The following HIPK1 variants were observed in gnomAD, a reference collection of about 807,000 sequenced individuals.
The protein encoded by HIPK1 is homeodomain-interacting protein kinase 1.
HIPK1 carries 28 observed loss-of-function variants against 117.1 expected under a neutral mutation model. That is an observed-to-expected ratio of 0.24 (90% CI 0.18 to 0.33). The LOEUF is 0.33. Ranked by LOEUF, HIPK1 falls within the 10% of genes least tolerant of loss-of-function variation. HIPK1 has a pLI of 1.00. For missense variants in HIPK1, 1,122 were observed against 1,475.1 expected, an observed-to-expected ratio of 0.76 and a Z score of 3.92; for synonymous variants, 605 against 562.5, an observed-to-expected ratio of 1.08 and a Z score of -1.07.
intron 8 of HIPK1, among the ~76,000 whole-genome samples, chr1:113,960,382 T>A (rs1002204553): frequency 6.6e-6 from 1 of 152,238 alleles, no homozygotes; most frequent in African/African-American, 2.4e-5. Context: ...AATAGCAATC[T>A]AATACATTAG....
rs1024565279 is a variant in HIPK1, at chr1:113,974,871, T to C, written c.*1359T>C. The C allele has an allele frequency of 6.5e-6, 1 of 152,800 alleles. No individual in the cohort carries two copies. Among genetic ancestry groups the C allele is most frequent in the African/African-American group, 2.4e-5 (1 of 41,466 alleles). The allele number at this position is 152,800 out of a possible 1,614,324, so 9.5% of individuals were successfully genotyped here. The stretch of plus-strand genomic sequence containing the variant: ...GTGTAGTGATTACACTTGAATTGTG[T>C]ACTTAGTGTGTATGTGATCCTCCAG... On this transcript the variant is annotated 3_prime_UTR_variant, in exon 16 of 16. Transcript: ENST00000426820.
At chr1:113,972,315 T>C (rs1056097379) in intron 15 of HIPK1, among the ~76,000 whole-genome samples, 6 of 152,210 alleles carry the variant, frequency 3.9e-5, no homozygotes, top group African/African-American at 1.4e-4. Context: ...GATCCTTACA[T>C]TGTTTACTTG....
intron 11 of HIPK1, among the ~76,000 whole-genome samples, chr1:113,967,443 T>C (rs949869044): frequency 6.6e-6 from 1 of 152,236 alleles, no homozygotes. Flanking sequence ...TAATATCTCA[T>C]TGCAGTTTTG....
At chr1:113,961,911 C>T (rs1672139921) in intron 8 of HIPK1, among the ~76,000 whole-genome samples, 1 of 139,688 alleles carries the variant, frequency 7.2e-6, no homozygotes, top group Admixed American at 7.6e-5. Context: ...TCACTGCACT[C>T]CAGCCTGGGT....
intron 4 of HIPK1, among the ~76,000 whole-genome samples, 178 bp downstream of exon 4, chr1:113,954,948 T>C (rs1449549436): frequency 1.3e-5 from 2 of 152,214 alleles, no homozygotes; most frequent in Non-Finnish European, 2.9e-5. Context: ...AAACAAAACA[T>C]TAATTGCTAG....
chr1:113,951,935 T>C (rs1406812224), intron 2 of HIPK1, among the ~76,000 whole-genome samples: 4 of 148,420 alleles, frequency 2.7e-5, no homozygotes, highest in Non-Finnish European at 5.9e-5. Context: ...GGGTTATTTA[T>C]TGACCAGGGC....
At chr1:113,960,326 C>G (rs1157155173) in intron 8 of HIPK1, among the ~76,000 whole-genome samples, 1 of 152,128 alleles carries the variant, frequency 6.6e-6, no homozygotes, top group Non-Finnish European at 1.5e-5. Context: ...ACAGTGTTGC[C>G]TTTTGTTAAT....
At chr1:113,942,012 C>T (rs1018616413) in intron 2 of HIPK1, among the ~76,000 whole-genome samples, 3 of 151,912 alleles carry the variant, frequency 2.0e-5, no homozygotes, top group Admixed American at 6.6e-5. Context: ...CCACCCGTCT[C>T]GGCCTCCCAA....
At chr1:113,966,780 A>G (rs1328973881) in intron 11 of HIPK1, among the ~76,000 whole-genome samples, 1 of 152,018 alleles carries the variant, frequency 6.6e-6, no homozygotes, top group African/African-American at 2.4e-5. Context: ...AAAATGTACA[A>G]TTAAGTTATT....
intron 1 of HIPK1, 164 bp downstream of exon 1, chr1:113,929,696 G>C (rs1669708106): frequency 8.1e-6 from 7 of 863,888 alleles, no homozygotes; most frequent in Non-Finnish European, 1.0e-5. Context: ...GCCGAGGCGG[G>C]AGCGCGCGGG....
intron 1 of HIPK1, among the ~76,000 whole-genome samples, chr1:113,937,764 G>A (rs918456171): frequency 4.6e-4 from 70 of 152,136 alleles, no homozygotes; most frequent in East Asian, 1.9e-4. Flanking sequence ...CGTAGGGAGC[G>A]TTTCTGCATG....
rs183961497 is a variant in HIPK1, at chr1:113,976,475, G to A, written c.*2963G>A. The A allele has an allele frequency of 3.7e-4, 57 of 152,814 alleles. No individual in the cohort carries two copies. The highest frequency in any genetic ancestry group is 5.6e-4 in the East Asian group (3 of 5,324). The allele number at this position is 152,814 out of a possible 1,614,324, so 9.5% of individuals were successfully genotyped here. On this transcript the variant is annotated 3_prime_UTR_variant, in exon 16 of 16. Coordinates refer to ENST00000426820, the MANE Select transcript of HIPK1 (RefSeq NM_198268.3). ...GGAAAGAAAACCAAATCCCATTCCT[G>A]CACCCCAGTCCAATAAGCAGATACC...
rs944543501 is a variant in HIPK1 at position 113,940,827 on chromosome 1, A to G, written c.444A>G (p.Gln148=). 1 of 1,614,128 alleles carries G rather than the reference A, an allele frequency of 6.2e-7. No homozygotes were observed. The highest frequency in any genetic ancestry group is 1.6e-4 in the Middle Eastern group (1 of 6,062). ...IIEEHPPLML[Q]NRTVVGAAAT... The stretch of plus-strand genomic sequence containing the variant: ...AAGAACATCCCCCTCTCATGCTGCA[A>G]AACAGGACTGTGGTGGGTGCTGCTG... Residue 148 remains glutamine, a synonymous_variant, in exon 2 of 16, where the codon CAA becomes CAG. Transcript: ENST00000426820.
rs1163392670 is a variant in HIPK1, at chr1:113,974,616, C to T, written c.*1104C>T. On this transcript the variant is annotated 3_prime_UTR_variant, in exon 16 of 16. Transcript: ENST00000426820. The stretch of plus-strand genomic sequence containing the variant: ...AGCTTTTATACTTCAAAGTAGCTTC[C>T]TTTGTATGCCAGCAGCAAATTGAAT... 1 of 152,666 alleles carries T rather than the reference C, an allele frequency of 6.6e-6. No individual in the cohort carries two copies. Among genetic ancestry groups the T allele is most frequent in the Admixed American group, 6.5e-5 (1 of 15,282 alleles). 9.5% of individuals were successfully genotyped at this position (152,666 alleles called of 1,614,324 possible). A position where few individuals can be genotyped will look rare whatever the true frequency, so the allele number is the denominator to read the frequency against.
In HIPK1 at chr1:113,973,116, A is replaced by G. The variant is rs758773100; in HGVS notation, c.3237A>G (p.Gln1079=). 157 of 1,572,432 alleles carry G rather than the reference A, an allele frequency of 1.0e-4. No homozygotes were observed. In the East Asian group the frequency reaches 3.5e-3, roughly 35 times the overall value. ...RQQAFVAPLS[Q]APYTFQHGSP... The stretch of plus-strand genomic sequence containing the variant: ...AGGCGTTTGTGGCCCCTCTCTCCCA[A>G]GCCCCCTACACCTTCCAGCATGGCA... Residue 1079 remains glutamine (Q), a synonymous_variant, in exon 16 of 16, where the codon CAA becomes CAG. Transcript: ENST00000426820.
rs1349964824 is a variant in HIPK1, at chr1:113,971,711, T to C, written c.3014-113T>C. The C allele has an allele frequency of 4.1e-6, 4 of 968,980 alleles. No individual in the cohort carries two copies. The East Asian group carries it at 1.2e-4, about 29-fold the overall frequency. The allele number at this position is 968,980 out of a possible 1,614,324, so 60.0% of individuals were successfully genotyped here. ...TTATTTTCTTCTGATGTAAATAGAA[T>C]TGAGACCTTAATGCTTGCAAACTAC... On this transcript the variant is annotated intron_variant, in intron 14 of 15. Transcript: ENST00000426820.
At position 113,941,680 on chromosome 1, in the gene HIPK1, AGTT is replaced by A. The variant is rs1670645537; in HGVS notation, c.1076+225_1076+227del. Among the ~76,000 whole-genome samples, 1 of 152,172 alleles carries A rather than the reference AGTT, an allele frequency of 6.6e-6. No homozygotes were observed. The highest frequency in any genetic ancestry group is 1.5e-5 in the Non-Finnish European group (1 of 68,022). On this transcript the variant is annotated intron_variant, in intron 2 of 15. Transcript: ENST00000426820. The surrounding 1 kb of genome is among the most constrained non-coding windows in gnomAD (Gnocchi z 4.9). The stretch of plus-strand genomic sequence containing the variant: ...AAAATTAACTCAGTCTGATTCTGAA[AGTT>A]GTTACTAGTTGAATTATACTAGCAC...
At position 113,929,542 on chromosome 1, in the gene HIPK1, A is replaced by T. The variant is rs1180816714; in HGVS notation, c.-3+10A>T. 8 of 1,285,540 alleles carry T rather than the reference A, an allele frequency of 6.2e-6. No homozygotes were observed. Among genetic ancestry groups the T allele is most frequent in the Non-Finnish European group, 8.1e-6 (8 of 985,940 alleles). 79.6% of individuals were successfully genotyped at this position (1,285,540 alleles called of 1,614,324 possible). ...CTGCACTTCCGCCTCAGTAGGTGTC[A>T]TGGCGCGGGGCGGGTGAATAGTTCC... On this transcript the variant is annotated intron_variant, in intron 1 of 15. Coordinates refer to ENST00000426820, the MANE Select transcript of HIPK1 (RefSeq NM_198268.3).
chr1:113,961,069 G>A lies in HIPK1; in HGVS notation c.1982-1248G>A, dbSNP rs148130099. Among the ~76,000 whole-genome samples, 18 of 152,298 alleles carry A rather than the reference G, an allele frequency of 1.2e-4. 1 individual carries two copies. In the East Asian group the frequency reaches 3.3e-3, roughly 28 times the overall value. Reference sequence around the variant, plus strand: ...ACATTAGTGAATTGGAAATATAATAGCAACTTAAATTCTTTATGTTGCAAG... The same window carrying A: ...ACATTAGTGAATTGGAAATATAATAACAACTTAAATTCTTTATGTTGCAAG... On this transcript the variant is annotated intron_variant, in intron 8 of 15. Coordinates refer to ENST00000426820, the MANE Select transcript of HIPK1 (RefSeq NM_198268.3).
Sources: allele counts gnomAD v4.1 joint callset (sites outside exome capture counted in the v4.1 genomes callset), GRCh38; gene constraint gnomAD v4.1.1; non-coding constraint Gnocchi (gnomAD v3.1); transcripts MANE v1.5; gene names NCBI Gene and HGNC (gene_info 2026-07-23, HGNC 2026-07-21).